FCN2: variants seen among roughly 807,000 people sequenced by gnomAD.
The protein encoded by FCN2 is ficolin 2.
FCN2 carries 31 observed loss-of-function variants against 32.5 expected under a neutral mutation model. The observed-to-expected ratio is 0.96, with a 90% CI of 0.72 to 1.29. The LOEUF (loss-of-function observed/expected upper bound fraction) is 1.29, where lower values mean the gene tolerates loss of function less well. FCN2 is among the 50% of genes most tolerant of loss of function. The pLI is 0.00. For missense variants in FCN2, 412 were observed against 406.5 expected (o/e 1.01, Z -0.12); for synonymous variants, 181 against 164.5 (o/e 1.10, Z -0.77).
At chr9:134,886,692 C>A in intron 7 of FCN2, 128 bp downstream of exon 7, 1 of 1,041,770 alleles carries the variant, frequency 9.6e-7, no homozygotes, top group Non-Finnish European at 1.4e-6. Context: ...TCGTCCATCT[C>A]TACATGCAGA....
At chr9:134,882,070 T>C (rs1258902123) in intron 1 of FCN2, among the ~76,000 whole-genome samples, 1 of 152,198 alleles carries the variant, frequency 6.6e-6, no homozygotes, top group East Asian at 1.9e-4. Flanking sequence ...CCCTGTGTCC[T>C]TCTCACCCGA....
chr9:134,880,902 G>A lies in FCN2; in HGVS notation c.81G>A (p.Gln27=), dbSNP rs1346350681. The A allele has an allele frequency of 2.5e-6, 4 of 1,613,044 alleles. No individual in the cohort carries two copies. The East Asian group carries it at 6.7e-5, about 27-fold the overall frequency. ...TCCTGGGCATGGCCTGGGCTCTCCA[G>A]GCGGCAGACACCTGTCCAGGTAAGG... The part of the protein sequence containing the change: ...LSFLGMAWAL[Q]AADTCPEVKM... The change falls in exon 1 of 8, where the codon CAG becomes CAA. Residue 27 remains glutamine (Q), a synonymous_variant. Coordinates refer to ENST00000291744, the MANE Select transcript of FCN2 (RefSeq NM_004108.3).
chr9:134,870,907 C>T, the FCN2 span, among the ~76,000 whole-genome samples: 1 of 152,104 alleles, frequency 6.6e-6, no homozygotes, highest in Non-Finnish European at 1.5e-5. The surrounding 1 kb of genome is among the most constrained non-coding windows in gnomAD (Gnocchi z 4.3). Context: ...CAGGTCTCCC[C>T]CAACACCAGC....
upstream of FCN2, among the ~76,000 whole-genome samples, chr9:134,877,161 T>G (rs1381366419): frequency 6.6e-6 from 1 of 152,226 alleles, no homozygotes; most frequent in Non-Finnish European, 1.5e-5. Context: ...TCATTATTAT[T>G]CATTCTCTTT....
Position 134,885,855 on chromosome 9 carries a change from T to G in FCN2, c.517T>G (p.Phe173Val). The G allele has an allele frequency of 6.2e-7, 1 of 1,611,708 alleles. No homozygotes were observed. The highest frequency in any genetic ancestry group is 1.3e-5 in the African/African-American group (1 of 74,074). ...KQGFGSRLGE[F>V]WLGNDNIHAL... ...GGGCTTCGGCAGTCGGCTGGGGGAGTTCTGGCTGGGGAATGACAACATCCA... is the reference window on the plus strand; with the variant it reads ...GGGCTTCGGCAGTCGGCTGGGGGAGGTCTGGCTGGGGAATGACAACATCCA... The change falls in exon 6 of 8, where the codon TTC becomes GTC. Residue 173 changes from phenylalanine to valine, a missense_variant. By Grantham distance (50) the Phe-to-Val change is conservative. Coordinates refer to ENST00000291744, the MANE Select transcript of FCN2 (RefSeq NM_004108.3).
Position 134,887,162 on chromosome 9 carries a change from G to C in FCN2, c.695-6G>C. ...TGTAACGATGCTCACATTTCCTCCTGCACAGGAGATTCCCTGACGTTCCAC... is the reference window on the plus strand; with the variant it reads ...TGTAACGATGCTCACATTTCCTCCTCCACAGGAGATTCCCTGACGTTCCAC... On this transcript the variant is annotated splice_region_variant and splice_polypyrimidine_tract_variant and intron_variant, in intron 7 of 7. Transcript: ENST00000291744. 1 of 1,614,024 alleles carries C rather than the reference G, an allele frequency of 6.2e-7. No individual in the cohort carries two copies. The highest frequency in any genetic ancestry group is 8.5e-7 in the Non-Finnish European group (1 of 1,179,980).
At chr9:134,883,979 T>TGGGGGGGGGG (rs11445130) in intron 3 of FCN2, among the ~76,000 whole-genome samples, 1 of 111,984 alleles carries the variant, frequency 8.9e-6, no homozygotes, top group African/African-American at 3.4e-5. Flanking sequence ...CTTGAGAGGG[T>TGGGGGGGGGG]GGGGGGGGAT....
chr9:134,884,028 TCTGTCCC>T (rs1310135339), intron 3 of FCN2, among the ~76,000 whole-genome samples: 1 of 151,856 alleles, frequency 6.6e-6, no homozygotes, highest in Admixed American at 6.5e-5. Context: ...AGTCCTGGCC[TCTGTCCC>T]CTGAGCATGA....
At chr9:134,886,678 C>A in intron 7 of FCN2, 114 bp downstream of exon 7, 1 of 1,200,476 alleles carries the variant, frequency 8.3e-7, no homozygotes, top group Non-Finnish European at 1.2e-6. Context: ...CTCTCTGAGC[C>A]AATTCGTCCA....
chr9:134,879,847 G>T (rs1273696146), upstream of FCN2, among the ~76,000 whole-genome samples: 1 of 152,204 alleles, frequency 6.6e-6, no homozygotes, highest in Non-Finnish European at 1.5e-5. Context: ...GCAGGTGGCA[G>T]GGTGCGGTGG....
At chr9:134,885,125 C>A (rs1830725964) in intron 4 of FCN2, 114 bp from the exon 5 acceptor site, 9 of 1,439,190 alleles carry the variant, frequency 6.3e-6, no homozygotes, top group Non-Finnish European at 8.6e-6. Flanking sequence ...CAGAGTCCCG[C>A]TCTGTTCATA....
chr9:134,877,513 C>A (rs1830613927), upstream of FCN2, among the ~76,000 whole-genome samples: 1 of 152,128 alleles, frequency 6.6e-6, no homozygotes, highest in South Asian at 2.1e-4. Flanking sequence ...CTTTGTATGG[C>A]TTGAATCTGT....
At chr9:134,886,962 T>C (rs1830766740) in intron 7 of FCN2, among the ~76,000 whole-genome samples, 1 of 152,184 alleles carries the variant, frequency 6.6e-6, no homozygotes, top group South Asian at 2.1e-4. Context: ...GTGGCAGGGC[T>C]AGACCTAAAG....
At chr9:134,885,411 A>T in intron 5 of FCN2, 45 bp downstream of exon 5, 1 of 1,602,852 alleles carries the variant, frequency 6.2e-7, no homozygotes, top group Non-Finnish European at 8.5e-7. Flanking sequence ...GGAGTCCCGG[A>T]GGCCAGGCTG....
chr9:134,880,970 CT>C, intron 1 of FCN2, 49 bp downstream of exon 1: 1 of 1,399,324 alleles, frequency 7.1e-7, no homozygotes, highest in Non-Finnish European at 1.0e-6. Flanking sequence ...TCCCTGAAAG[CT>C]GGCAGCTTCG....
chr9:134,886,672 C>G, intron 7 of FCN2, 108 bp downstream of exon 7: 1 of 1,300,476 alleles, frequency 7.7e-7, no homozygotes, highest in Non-Finnish European at 1.1e-6. Context: ...CCTCACCTCT[C>G]TGAGCCAATT....
At position 134,885,799 on chromosome 9, in the gene FCN2, A is replaced by C; in HGVS notation, c.461A>C (p.Asp154Ala). 6.2e-7 allele frequency: 1 copy of C among 1,613,696 alleles called. No individual in the cohort carries two copies. The highest frequency in any genetic ancestry group is 8.5e-7 in the Non-Finnish European group (1 of 1,179,890). Residue 154 changes from aspartate (D) to alanine (A), a missense_variant, in exon 6 of 8, where the codon GAC (aspartate) becomes GCC (alanine). Physicochemically the swap from Asp to Ala is moderately radical, Grantham distance 126 (BLOSUM62 -2). Coordinates refer to ENST00000291744, the MANE Select transcript of FCN2 (RefSeq NM_004108.3). ...CAGCGGAGGGTGGATGGCTCTGTGG[A>C]CTTCTACCGGGACTGGGCCACGTAC... The part of the protein sequence containing the change: ...VFQRRVDGSV[D>A]FYRDWATYKQ...
intron 4 of FCN2, 85 bp from the exon 5 acceptor site, chr9:134,885,154 C>A: frequency 6.3e-7 from 1 of 1,576,894 alleles, no homozygotes; most frequent in Non-Finnish European, 8.7e-7. Context: ...TATGGCCCTG[C>A]TTCTTCCTCC....
chr9:134,871,667 G>T, the FCN2 span, among the ~76,000 whole-genome samples: 2 of 152,206 alleles, frequency 1.3e-5, no homozygotes, highest in East Asian at 3.9e-4. Context: ...GAGGATGTGG[G>T]TCTGTGGGGA....
Sources: allele counts gnomAD v4.1 joint callset (sites outside exome capture counted in the v4.1 genomes callset), GRCh38; gene constraint gnomAD v4.1.1; non-coding constraint Gnocchi (gnomAD v3.1); transcripts MANE v1.5; gene names NCBI Gene and HGNC (gene_info 2026-07-23, HGNC 2026-07-21).